FOXK1: variants seen among roughly 807,000 people sequenced by gnomAD.
FOXK1 encodes forkhead box K1, also known as forkhead box protein K1.
FOXK1 carries 19 observed loss-of-function variants against 51.9 expected under a neutral mutation model. The observed-to-expected ratio is 0.37, with a 90% CI of 0.26 to 0.54. FOXK1 has a LOEUF of 0.54. Among genes scored for constraint, FOXK1 ranks in the 20% least tolerant of loss-of-function variants. The probability of loss-of-function intolerance (pLI) is 0.87; values close to 1 mark genes in which losing one functional copy is unlikely to be tolerated. For missense variants in FOXK1, 870 were observed against 1,032.7 expected, an observed-to-expected ratio of 0.84 and a Z score of 2.16; for synonymous variants, 537 against 482.6, an observed-to-expected ratio of 1.11 and a Z score of -1.48.
At position 4,722,350 on chromosome 7, in the gene FOXK1, T is replaced by C. The variant is rs922524421; in HGVS notation, c.561-18488T>C. 2.0e-5 allele frequency among the ~76,000 whole-genome samples: 3 copies of C among 152,256 alleles called. No individual in the cohort carries two copies. The highest frequency in any genetic ancestry group is 4.4e-5 in the Non-Finnish European group (3 of 68,042). The stretch of plus-strand genomic sequence containing the variant: ...TTACCCAGATTCCCATTGTTGCCTC[T>C]TATGTACTTTGGTCGTTCGTATTTC... On this transcript the variant is annotated intron_variant, in intron 1 of 8. Transcript: ENST00000328914. The surrounding 1 kb of genome is among the most constrained non-coding windows in gnomAD (Gnocchi z 5.1).
chr7:4,696,320 C>G (rs949231872), intron 1 of FOXK1, among the ~76,000 whole-genome samples: 2 of 152,184 alleles, frequency 1.3e-5, no homozygotes, highest in Admixed American at 1.3e-4. Context: ...CTCTGTCTAG[C>G]TTGGATTTAC....
In FOXK1 at chr7:4,719,441, G is replaced by C. The variant is rs115035503; in HGVS notation, c.561-21397G>C. On this transcript the variant is annotated intron_variant, in intron 1 of 8. Coordinates refer to ENST00000328914, the MANE Select transcript of FOXK1 (RefSeq NM_001037165.2). Reference sequence around the variant, plus strand: ...AGGTGTGAGCCACGGTGCCTAGGGAGTAGGTAGCTGTCTTAGCTTTGTGTT... The same window carrying C: ...AGGTGTGAGCCACGGTGCCTAGGGACTAGGTAGCTGTCTTAGCTTTGTGTT... Among the ~76,000 whole-genome samples the C allele has an allele frequency of 3.3e-3, 503 of 152,180 alleles. 3 individuals are homozygous for C. Among genetic ancestry groups the C allele is most frequent in the African/African-American group, 0.011 (474 of 41,516 alleles).
At chr7:4,690,765 G>A (rs1417032403) in intron 1 of FOXK1, among the ~76,000 whole-genome samples, 1 of 152,206 alleles carries the variant, frequency 6.6e-6, no homozygotes, top group Non-Finnish European at 1.5e-5. Flanking sequence ...ATTTTGTGCT[G>A]AAATGAGACT....
rs111622709 is a variant in FOXK1, at chr7:4,745,472, TTGTGTGTG to T, written c.746+4459_746+4466del. Among the ~76,000 whole-genome samples, 1 of 150,474 alleles carries T rather than the reference TTGTGTGTG, an allele frequency of 6.6e-6. No individual in the cohort carries two copies. Among genetic ancestry groups the T allele is most frequent in the Non-Finnish European group, 1.5e-5 (1 of 67,692 alleles). On this transcript the variant is annotated intron_variant, in intron 2 of 8. Coordinates refer to ENST00000328914, the MANE Select transcript of FOXK1 (RefSeq NM_001037165.2). This position sits in a 1 kb window ranked among gnomAD's most constrained non-coding sequence, Gnocchi z 4.3. ...TGGGTATGGGTGTGGGTGTGTGGTT[TTGTGTGTG>T]TGTGTGTGTTTCTGATTTATTTTTT...
chr7:4,759,607 G>A lies in FOXK1; in HGVS notation c.1696+12G>A. The stretch of plus-strand genomic sequence containing the variant: ...CAGCGAGGCCAGAGGTAATGCAGCC[G>A]CGGCTGGCAGCCTTCGCAGGACCCT... On this transcript the variant is annotated intron_variant, in intron 7 of 8. Transcript: ENST00000328914. 3 of 1,530,788 alleles carry A rather than the reference G, an allele frequency of 2.0e-6. No individual in the cohort carries two copies. Among genetic ancestry groups the A allele is most frequent in the Non-Finnish European group, 2.6e-6 (3 of 1,143,378 alleles). The allele number at this position is 1,530,788 out of a possible 1,614,324, so 94.8% of individuals were successfully genotyped here.
intron 1 of FOXK1, among the ~76,000 whole-genome samples, chr7:4,688,079 CAT>C (rs1779843189): frequency 1.3e-5 from 2 of 152,238 alleles, no homozygotes; most frequent in Admixed American, 1.3e-4. Flanking sequence ...CAAACATAGA[CAT>C]AGAGTAACAA....
At chr7:4,718,627 C>T (rs2115045880) in intron 1 of FOXK1, among the ~76,000 whole-genome samples, 1 of 152,328 alleles carries the variant, frequency 6.6e-6, no homozygotes, top group Admixed American at 6.5e-5. Flanking sequence ...AGTGCAGTGC[C>T]TAAGGCCTGT....
chr7:4,728,698 C>T lies in FOXK1; in HGVS notation c.561-12140C>T, dbSNP rs1461583051. On this transcript the variant is annotated intron_variant, in intron 1 of 8. Transcript: ENST00000328914. ...TTGAGGCCAGGAATTTGAGGCCAGC[C>T]TGGGCAACATAGTGAGACCACGTCT... 4.6e-5 allele frequency among the ~76,000 whole-genome samples: 6 copies of T among 129,756 alleles called. No homozygotes were observed. The East Asian group carries it at 1.5e-3, about 33-fold the overall frequency. The allele number at this position is 129,756 out of a possible 152,430, so 85.1% of individuals were successfully genotyped here.
In FOXK1 at chr7:4,749,232, C is replaced by G. The variant is rs930964134; in HGVS notation, c.747-5227C>G. On this transcript the variant is annotated intron_variant, in intron 2 of 8. Transcript: ENST00000328914. The surrounding 1 kb of genome is among the most constrained non-coding windows in gnomAD (Gnocchi z 6.0). ...CCTACAGAGACGGCATCGTTACCTC[C>G]CTAGGGACGGGAACCATGTTTCATC... 1.3e-5 allele frequency among the ~76,000 whole-genome samples: 2 copies of G among 152,188 alleles called. No individual in the cohort carries two copies. Among genetic ancestry groups the G allele is most frequent in the African/African-American group, 4.8e-5 (2 of 41,448 alleles).
rs983830013 is a variant in FOXK1, at chr7:4,759,384, G to T, written c.1485G>T (p.Val495=). The T allele has an allele frequency of 2.5e-6, 4 of 1,602,310 alleles. No individual in the cohort carries two copies. The African/African-American group carries it at 4.0e-5, about 16-fold the overall frequency. ...PRPSSLVAKP[V]AYMPASIVTS... ...CGTCCAGCCTCGTGGCCAAGCCCGT[G>T]GCCTACATGCCCGCCTCCATCGTAA... The change falls in exon 7 of 9, where the codon GTG becomes GTT. Residue 495 remains valine (V), a synonymous_variant. Coordinates refer to ENST00000328914, the MANE Select transcript of FOXK1 (RefSeq NM_001037165.2).
At position 4,759,150 on chromosome 7, in the gene FOXK1, A is replaced by T. The variant is rs1305095254; in HGVS notation, c.1344A>T (p.Pro448=). 6 of 1,612,294 alleles carry T rather than the reference A, an allele frequency of 3.7e-6. No individual in the cohort carries two copies. The change falls in exon 6 of 9, where the codon CCA becomes CCT. Residue 448 remains proline, a synonymous_variant. Transcript: ENST00000328914. ...TGTCTCGGGAGGGCTCCCCCATTCCACACGACCCTGAGTTTGGGTCCAAGT... is the reference window on the plus strand; with the variant it reads ...TGTCTCGGGAGGGCTCCCCCATTCCTCACGACCCTGAGTTTGGGTCCAAGT... ...ECLSREGSPI[P]HDPEFGSKLA...
chr7:4,702,840 C>A (rs931533232), intron 1 of FOXK1, among the ~76,000 whole-genome samples: 2 of 152,200 alleles, frequency 1.3e-5, no homozygotes, highest in African/African-American at 4.8e-5. Flanking sequence ...CTGGCCTCCT[C>A]CCCTGCCTTC....
rs1780932612 is a variant in FOXK1, at chr7:4,761,552, A to AC, written c.1921+268dup. ...AGACCAGCCCGGGCAACATAGCAAGACCCCATCTCTACATAAGATTCAAAA... is the reference window on the plus strand; with the variant it reads ...AGACCAGCCCGGGCAACATAGCAAGACCCCCATCTCTACATAAGATTCAAAA... On this transcript the variant is annotated intron_variant, in intron 8 of 8. Transcript: ENST00000328914. The surrounding 1 kb of genome is among the most constrained non-coding windows in gnomAD (Gnocchi z 6.2). 6.6e-6 allele frequency among the ~76,000 whole-genome samples: 1 copy of AC among 151,964 alleles called. No individual in the cohort carries two copies. Among genetic ancestry groups the AC allele is most frequent in the Non-Finnish European group, 1.5e-5 (1 of 68,006 alleles).
At chr7:4,754,759 C>A in intron 3 of FOXK1, 144 bp downstream of exon 3, 1 of 1,043,442 alleles carries the variant, frequency 9.6e-7, no homozygotes, top group Non-Finnish European at 1.4e-6. Context: ...CCGCAGCTGG[C>A]GGTAGAGCCG....
chr7:4,709,262 C>T lies in FOXK1; in HGVS notation c.560+26394C>T, dbSNP rs1471801260. Among the ~76,000 whole-genome samples, 1 of 152,120 alleles carries T rather than the reference C, an allele frequency of 6.6e-6. No individual in the cohort carries two copies. Among genetic ancestry groups the T allele is most frequent in the Non-Finnish European group, 1.5e-5 (1 of 68,016 alleles). ...CCACCCTGTCATCCCGAGAATCCCACTGCATGTTTTGGATCTGTCCGGGAT... is the reference window on the plus strand; with the variant it reads ...CCACCCTGTCATCCCGAGAATCCCATTGCATGTTTTGGATCTGTCCGGGAT... On this transcript the variant is annotated intron_variant, in intron 1 of 8. Transcript: ENST00000328914. This position sits in a 1 kb window ranked among gnomAD's most constrained non-coding sequence, Gnocchi z 5.6.
At chr7:4,754,114 C>T (rs1046321377) in intron 2 of FOXK1, among the ~76,000 whole-genome samples, 7 of 152,156 alleles carry the variant, frequency 4.6e-5, no homozygotes, top group East Asian at 1.9e-4. Context: ...CTACCTGCTC[C>T]GGGTGCACAT....
At chr7:4,757,291 G>A (rs1015491002) in intron 5 of FOXK1, 104 bp downstream of exon 5, 2 of 1,066,250 alleles carry the variant, frequency 1.9e-6, no homozygotes, top group East Asian at 2.4e-5. Context: ...GTGGGCTCAG[G>A]CTCAGTGTAC....
At position 4,726,320 on chromosome 7, in the gene FOXK1, G is replaced by A. The variant is rs140848220; in HGVS notation, c.561-14518G>A. On this transcript the variant is annotated intron_variant, in intron 1 of 8. Coordinates refer to ENST00000328914, the MANE Select transcript of FOXK1 (RefSeq NM_001037165.2). ...CGGCAGGACGGCGATCACCTTCCTG[G>A]CAGGCCCCTCCTGGATTCTGCCCTC... Among the ~76,000 whole-genome samples the A allele has an allele frequency of 1.9e-3, 287 of 152,228 alleles. 2 individuals are homozygous for A. Among genetic ancestry groups the A allele is most frequent in the Non-Finnish European group, 3.0e-3 (205 of 68,004 alleles).
Position 4,734,669 on chromosome 7 carries a change from C to T in FOXK1, c.561-6169C>T, listed in dbSNP as rs1320893306. 6.6e-6 allele frequency among the ~76,000 whole-genome samples: 1 copy of T among 152,218 alleles called. No homozygotes were observed. The highest frequency in any genetic ancestry group is 6.5e-5 in the Admixed American group (1 of 15,286). On this transcript the variant is annotated intron_variant, in intron 1 of 8. Coordinates refer to ENST00000328914, the MANE Select transcript of FOXK1 (RefSeq NM_001037165.2). This position sits in a 1 kb window ranked among gnomAD's most constrained non-coding sequence, Gnocchi z 5.2. Reference sequence around the variant, plus strand: ...TGGGTCTCAGGCTTTTCTCCTGCGCCATTGTCTGCTGATAGCTGGGCTCAG... The same window carrying T: ...TGGGTCTCAGGCTTTTCTCCTGCGCTATTGTCTGCTGATAGCTGGGCTCAG...
Sources: allele counts gnomAD v4.1 joint callset (sites outside exome capture counted in the v4.1 genomes callset), GRCh38; gene constraint gnomAD v4.1.1; non-coding constraint Gnocchi (gnomAD v3.1); transcripts MANE v1.5; gene names NCBI Gene and HGNC (gene_info 2026-07-23, HGNC 2026-07-21).